Variants in INPP4B observed in about 807,000 individuals in gnomAD.
INPP4B encodes the protein inositol polyphosphate 4-phosphatase type II.
A neutral mutation model predicts 122.5 loss-of-function variants in INPP4B; 55 were observed. The ratio of observed to expected loss-of-function variants is 0.45; its 90% CI spans 0.36 to 0.56. INPP4B has a LOEUF of 0.56. INPP4B is among the 20% of genes least tolerant of loss of function. The probability of loss-of-function intolerance (pLI) is 0.00; values close to 1 mark genes in which losing one functional copy is unlikely to be tolerated. For synonymous variants in INPP4B, 403 were observed against 388.7 expected, an observed-to-expected ratio of 1.04 and a Z score of -0.43; for missense variants, 1,000 against 1,097.7, an observed-to-expected ratio of 0.91 and a Z score of 1.26.
intron 2 of INPP4B, among the ~76,000 whole-genome samples, chr4:142,624,309 T>C (rs955500309): frequency 1.4e-4 from 22 of 151,776 alleles, no homozygotes; most frequent in Admixed American, 2.6e-4. Context: ...TGCATTTCTC[T>C]GATGGCCAGT....
intron 1 of INPP4B, among the ~76,000 whole-genome samples, chr4:142,762,528 A>G (rs1167849046): frequency 6.6e-6 from 1 of 152,142 alleles, no homozygotes; most frequent in Non-Finnish European, 1.5e-5. Flanking sequence ...GCTGAGCAGT[A>G]AAGCAATCCT....
chr4:142,767,675 C>T (rs546819363), intron 1 of INPP4B: 7 of 152,052 alleles, frequency 4.6e-5, no homozygotes, highest in Admixed American at 2.0e-4. Context: ...GAAGGAGTTA[C>T]GAATGACAAG....
intron 1 of INPP4B, among the ~76,000 whole-genome samples, chr4:142,804,250 G>A (rs1778394770): frequency 6.6e-6 from 1 of 151,916 alleles, no homozygotes; most frequent in African/African-American, 2.4e-5. Context: ...CTCTAAACCT[G>A]CCAAAGACTT....
intron 7 of INPP4B, among the ~76,000 whole-genome samples, chr4:142,369,634 A>T (rs1789038353): frequency 2.0e-5 from 3 of 150,820 alleles, no homozygotes; most frequent in East Asian, 1.9e-4. Context: ...AAAAATAAAA[A>T]AAATAAAAAA....
chr4:142,502,979 T>C (rs568864579), intron 2 of INPP4B, among the ~76,000 whole-genome samples: 5 of 152,274 alleles, frequency 3.3e-5, no homozygotes, highest in Admixed American at 6.5e-5. Context: ...AGATTTCTCA[T>C]ATGAAGCCTT....
At chr4:142,663,707 T>C (rs1408181309) in intron 2 of INPP4B, among the ~76,000 whole-genome samples, 1 of 152,162 alleles carries the variant, frequency 6.6e-6, no homozygotes, top group Non-Finnish European at 1.5e-5. Flanking sequence ...AAAATTAATA[T>C]ATTTATAAGC....
At chr4:142,382,732 C>A (rs563044988) in intron 7 of INPP4B, among the ~76,000 whole-genome samples, 1 of 147,930 alleles carries the variant, frequency 6.8e-6, no homozygotes, top group African/African-American at 2.5e-5. Flanking sequence ...AACCAACAAA[C>A]TTATTAAATG....
chr4:142,497,309 C>A (rs968231336), intron 2 of INPP4B, among the ~76,000 whole-genome samples: 5 of 152,110 alleles, frequency 3.3e-5, no homozygotes, highest in African/African-American at 7.2e-5. Context: ...CCAAGCCAAC[C>A]AGCAATGCAA....
chr4:142,110,124 C>T (rs1216953695), intron 22 of INPP4B, among the ~76,000 whole-genome samples: 2 of 152,018 alleles, frequency 1.3e-5, no homozygotes, highest in African/African-American at 4.8e-5. Context: ...GCCCTAAGCC[C>T]GAAATGGCAA....
intron 1 of INPP4B, among the ~76,000 whole-genome samples, chr4:142,771,933 A>G (rs1270749251): frequency 6.6e-6 from 1 of 152,146 alleles, no homozygotes; most frequent in East Asian, 1.9e-4. Flanking sequence ...CTCTCACTTG[A>G]AGAAAAACAG....
At chr4:142,843,441 T>G (rs2151219342) in intron 1 of INPP4B, among the ~76,000 whole-genome samples, 1 of 151,972 alleles carries the variant, frequency 6.6e-6, no homozygotes, top group Middle Eastern at 3.4e-3. Flanking sequence ...CAGGACATGT[T>G]GAAAAACTAA....
chr4:142,314,790 C>G (rs112627932), intron 7 of INPP4B, 28 bp from the exon 8 acceptor site: 3 of 1,582,624 alleles, frequency 1.9e-6, no homozygotes, highest in Non-Finnish European at 2.6e-6. Flanking sequence ...TTCTGTAAGA[C>G]TTTGGAGTAG....
intron 25 of INPP4B, chr4:142,030,355 C>T: frequency 3.4e-6 from 5 of 1,456,948 alleles, no homozygotes; most frequent in Non-Finnish European, 4.6e-6. Context: ...AGAGTTCACA[C>T]AGTAAAAAAA....
intron 1 of INPP4B, among the ~76,000 whole-genome samples, chr4:142,845,773 GA>G (rs1204017033): frequency 2.6e-5 from 4 of 152,018 alleles, no homozygotes; most frequent in Non-Finnish European, 5.9e-5. Flanking sequence ...CGATCATCAG[GA>G]TTGGAAGTGA....
At chr4:142,148,727 T>C (rs1812138227) in intron 17 of INPP4B, among the ~76,000 whole-genome samples, 1 of 152,222 alleles carries the variant, frequency 6.6e-6, no homozygotes, top group African/African-American at 2.4e-5. Flanking sequence ...AAAGTCACCT[T>C]TGTAGCCTGT....
intron 25 of INPP4B, among the ~76,000 whole-genome samples, chr4:142,033,898 C>T (rs1298583606): frequency 1.3e-5 from 2 of 151,990 alleles, no homozygotes; most frequent in Non-Finnish European, 1.5e-5. Flanking sequence ...AACTCCTAGG[C>T]TCAAGCAATC....
At chr4:142,712,888 G>A (rs1389455286) in intron 2 of INPP4B, among the ~76,000 whole-genome samples, 5 of 152,242 alleles carry the variant, frequency 3.3e-5, no homozygotes, top group Non-Finnish European at 7.4e-5. Context: ...TCTTACAGAT[G>A]AGGAAAATAA....
chr4:142,261,920 A>G (rs1224541822), intron 10 of INPP4B, among the ~76,000 whole-genome samples: 1 of 152,194 alleles, frequency 6.6e-6, no homozygotes, highest in East Asian at 1.9e-4. Flanking sequence ...TAGTTGACTG[A>G]AAGAATGAAT....
chr4:142,530,879 G>A (rs905270424), intron 2 of INPP4B, among the ~76,000 whole-genome samples: 1 of 151,958 alleles, frequency 6.6e-6, no homozygotes, highest in South Asian at 2.1e-4. Flanking sequence ...AGGGGAGGAG[G>A]AGAACAGGTC....
Sources: gnomAD v4.1 joint callset for allele counts (sites outside exome capture counted in the v4.1 genomes callset) on GRCh38, gnomAD v4.1.1 for gene constraint, MANE v1.5 for transcripts, NCBI Gene and HGNC (gene_info 2026-07-23, HGNC 2026-07-21) for gene names.